Variants in SMC6 observed in about 807,000 individuals in gnomAD.
SMC6 encodes the protein structural maintenance of chromosomes protein 6.
In SMC6, 79 loss-of-function variants were observed where a neutral mutation model predicts 142.2. The ratio of observed to expected loss-of-function variants is 0.56; its 90% CI spans 0.46 to 0.67. The LOEUF is 0.67. Ranked by LOEUF, SMC6 falls within the 30% of genes least tolerant of loss-of-function variation. SMC6 has a pLI of 0.00. For synonymous variants in SMC6, 411 were observed against 412.4 expected (o/e 1.00, Z 0.04); for missense variants, 1,072 against 1,284.0 (o/e 0.83, Z 2.52).
At chr2:17,727,002 G>C (rs1669660709) in intron 7 of SMC6, among the ~76,000 whole-genome samples, 7 of 152,168 alleles carry the variant, frequency 4.6e-5, no homozygotes, top group Admixed American at 4.6e-4. Flanking sequence ...TTTTCTTACA[G>C]AAGTTCTTCA....
chr2:17,745,801 G>A, intron 3 of SMC6, 26 bp downstream of exon 3: 1 of 1,573,164 alleles, frequency 6.4e-7, no homozygotes, highest in Non-Finnish European at 8.6e-7. Context: ...ATATCAAAAA[G>A]CATAATTTTG....
At chr2:17,701,421 A>C (rs1668267405) in intron 20 of SMC6, among the ~76,000 whole-genome samples, 1 of 151,790 alleles carries the variant, frequency 6.6e-6, no homozygotes, top group South Asian at 2.1e-4. Flanking sequence ...GAAAAAAAGA[A>C]AAAAAACAAG....
At chr2:17,732,962 T>G (rs1669982042) in intron 5 of SMC6, among the ~76,000 whole-genome samples, 2 of 152,122 alleles carry the variant, frequency 1.3e-5, no homozygotes, top group Admixed American at 1.3e-4. Flanking sequence ...AAAATAAGAC[T>G]TGGTAGAAAA....
chr2:17,747,010 C>A (rs542980521), intron 2 of SMC6, among the ~76,000 whole-genome samples: 75 of 152,296 alleles, frequency 4.9e-4, no homozygotes, highest in Non-Finnish European at 9.3e-4. Flanking sequence ...AGTGGGTAGT[C>A]TGGACTTCCA....
At position 17,708,321 on chromosome 2, in the gene SMC6, AG is replaced by A. The variant is rs1164277683; in HGVS notation, c.1845+317del. 1.9e-4 allele frequency among the ~76,000 whole-genome samples: 29 copies of A among 152,246 alleles called. No individual in the cohort carries two copies. In the East Asian group the frequency reaches 5.0e-3, roughly 26 times the overall value. On this transcript the variant is annotated intron_variant, in intron 17 of 27. Coordinates refer to ENST00000448223, the MANE Select transcript of SMC6 (RefSeq NM_001142286.2). ...AAGTAGAATAATACAGATATCTGTAAGGGCAAATAAAAAATAAATTTGGCAG... is the reference window on the plus strand; with the variant it reads ...AAGTAGAATAATACAGATATCTGTAAGGCAAATAAAAAATAAATTTGGCAG...
chr2:17,684,406 C>T (rs1293502422), intron 23 of SMC6, among the ~76,000 whole-genome samples: 1 of 152,184 alleles, frequency 6.6e-6, no homozygotes, highest in Admixed American at 6.5e-5. Context: ...GCTGGCACAG[C>T]ATCCAGATAT....
intron 2 of SMC6, among the ~76,000 whole-genome samples, chr2:17,752,048 C>T (rs1214274064): frequency 2.0e-5 from 3 of 152,296 alleles, no homozygotes; most frequent in African/African-American, 7.2e-5. Context: ...CTGGTTTATA[C>T]GGATTGCAGA....
chr2:17,687,650 A>G (rs1458186667), intron 23 of SMC6, among the ~76,000 whole-genome samples: 1 of 152,204 alleles, frequency 6.6e-6, no homozygotes, highest in African/African-American at 2.4e-5. Context: ...GCCAGGGGAA[A>G]TGGTGTGGAA....
Position 17,753,769 on chromosome 2 carries a change from G to T in SMC6, c.-236C>A, listed in dbSNP as rs555311226. On this transcript the variant is annotated 5_prime_UTR_variant, in exon 1 of 28. Transcript: ENST00000448223. Reference sequence around the variant, plus strand: ...GAACCGCGTGCCGGCCGCAGGAGAAGGTAGATTCCCGGGAGCCCCGGCGCC... The same window carrying T: ...GAACCGCGTGCCGGCCGCAGGAGAATGTAGATTCCCGGGAGCCCCGGCGCC... The T allele has an allele frequency of 6.6e-6, 1 of 152,270 alleles. No individual in the cohort carries two copies. The highest frequency in any genetic ancestry group is 2.4e-5 in the African/African-American group (1 of 41,460). The allele number at this position is 152,270 out of a possible 1,614,324, so 9.4% of individuals were successfully genotyped here. A position where few individuals can be genotyped will look rare whatever the true frequency, so the allele number is the denominator to read the frequency against.
chr2:17,748,675 C>T (rs529138981), intron 2 of SMC6, among the ~76,000 whole-genome samples: 135 of 152,284 alleles, frequency 8.9e-4, no homozygotes, highest in Non-Finnish European at 1.1e-3. Context: ...CTCTGCTAAC[C>T]ACCCTCTATT....
chr2:17,666,372 C>T (rs78302891), intron 27 of SMC6, 48 bp downstream of exon 27: 2 of 1,284,728 alleles, frequency 1.6e-6, no homozygotes, highest in East Asian at 4.8e-5. Flanking sequence ...AGATTTCTTT[C>T]CCCCTTTTAT....
At chr2:17,730,512 T>C (rs1427290794) in intron 7 of SMC6, among the ~76,000 whole-genome samples, 1 of 151,916 alleles carries the variant, frequency 6.6e-6, no homozygotes, top group Non-Finnish European at 1.5e-5. Context: ...AATTTTAGCC[T>C]AGAGCAGTAT....
intron 2 of SMC6, among the ~76,000 whole-genome samples, chr2:17,752,387 T>C (rs1467800810): frequency 6.6e-6 from 1 of 152,212 alleles, no homozygotes; most frequent in South Asian, 2.1e-4. Context: ...CCATCCACTT[T>C]TTTTCCTCTG....
At chr2:17,668,022 A>T (rs1354959513) in intron 26 of SMC6, among the ~76,000 whole-genome samples, 1 of 152,218 alleles carries the variant, frequency 6.6e-6, no homozygotes, top group Non-Finnish European at 1.5e-5. Context: ...CTATTATTTT[A>T]TAACAAAACT....
rs1216794390 is a variant in SMC6 at position 17,665,227 on chromosome 2, A to T, written c.*272T>A. On this transcript the variant is annotated 3_prime_UTR_variant, in exon 28 of 28. Transcript: ENST00000448223. ...ATGTACAAAATTTTACTTCTGAAAA[A>T]GAACCTATAAAAATAGATCGTATTA... 1 of 224,208 alleles carries T rather than the reference A, an allele frequency of 4.5e-6. No homozygotes were observed. Among genetic ancestry groups the T allele is most frequent in the Non-Finnish European group, 8.6e-6 (1 of 116,288 alleles). 13.9% of individuals were successfully genotyped at this position (224,208 alleles called of 1,614,324 possible).
chr2:17,745,804 T>A, intron 3 of SMC6, 23 bp downstream of exon 3: 2 of 1,580,526 alleles, frequency 1.3e-6, no homozygotes, highest in Non-Finnish European at 1.7e-6. Flanking sequence ...TCAAAAAGCA[T>A]AATTTTGTAA....
intron 23 of SMC6, 74 bp downstream of exon 23, chr2:17,695,078 A>G (rs1667926948): frequency 7.9e-6 from 12 of 1,514,628 alleles, no homozygotes; most frequent in South Asian, 7.0e-5. Context: ...TAAGACATGT[A>G]TATGTTTTTC....
At chr2:17,697,548 A>G (rs936036844) in intron 21 of SMC6, among the ~76,000 whole-genome samples, 1 of 152,126 alleles carries the variant, frequency 6.6e-6, no homozygotes, top group Non-Finnish European at 1.5e-5. Context: ...AAAGATTTAA[A>G]AAGACATTTC....
chr2:17,682,187 C>T (rs1383792544), intron 24 of SMC6, among the ~76,000 whole-genome samples: 1 of 152,184 alleles, frequency 6.6e-6, no homozygotes, highest in Non-Finnish European at 1.5e-5. Flanking sequence ...TCTCTTGCCA[C>T]TTCCACCATA....
Sources: gnomAD v4.1 joint callset for allele counts (sites outside exome capture counted in the v4.1 genomes callset) on GRCh38, gnomAD v4.1.1 for gene constraint, MANE v1.5 for transcripts, NCBI Gene and HGNC (gene_info 2026-07-23, HGNC 2026-07-21) for gene names.